ARHGAP26: variants seen among roughly 807,000 people sequenced by gnomAD.
ARHGAP26 encodes Rho GTPase activating protein 26.
In ARHGAP26, 38 loss-of-function variants were observed where a neutral mutation model predicts 104.8. The ratio of observed to expected loss-of-function variants is 0.36; its 90% CI spans 0.28 to 0.48. The LOEUF (loss-of-function observed/expected upper bound fraction) is 0.48, where lower values mean the gene tolerates loss of function less well. Ranked by LOEUF, ARHGAP26 falls within the 20% of genes least tolerant of loss-of-function variation. The probability of loss-of-function intolerance (pLI) is 0.99; values close to 1 mark genes in which losing one functional copy is unlikely to be tolerated. For synonymous variants in ARHGAP26, 341 were observed against 340.0 expected, an observed-to-expected ratio of 1.00 and a Z score of -0.03; for missense variants, 704 against 947.9, an observed-to-expected ratio of 0.74 and a Z score of 3.38.
At chr5:143,046,987 A>G (rs546855969) in intron 14 of ARHGAP26, among the ~76,000 whole-genome samples, 38 of 152,350 alleles carry the variant, frequency 2.5e-4, no homozygotes, top group Middle Eastern at 6.8e-3. Flanking sequence ...TACAAAATTG[A>G]ACTCACTGTG....
At chr5:142,928,594 G>A (rs920754060) in intron 10 of ARHGAP26, among the ~76,000 whole-genome samples, 1 of 152,168 alleles carries the variant, frequency 6.6e-6, no homozygotes, top group African/African-American at 2.4e-5. Context: ...CAAGAGTTAA[G>A]GGTTGGAATG....
At chr5:143,156,418 C>A (rs940280148) in intron 20 of ARHGAP26, among the ~76,000 whole-genome samples, 2 of 152,302 alleles carry the variant, frequency 1.3e-5, no homozygotes, top group South Asian at 4.1e-4. Context: ...ACCCTTAGCT[C>A]TGTGCACTGG....
At chr5:143,007,627 C>A (rs1050267180) in intron 11 of ARHGAP26, among the ~76,000 whole-genome samples, 1 of 152,168 alleles carries the variant, frequency 6.6e-6, no homozygotes, top group African/African-American at 2.4e-5. Flanking sequence ...TAAATCGAAT[C>A]CTGGCTCTGT....
rs185693074 is a variant in ARHGAP26 at position 143,094,325 on chromosome 5, G to A, written c.1539-26663G>A. ...GCCACAGTATGTGAGGATCCTTTAA[G>A]CTAGGTTGCTGGTCAGTTTCTTTTT... On this transcript the variant is annotated intron_variant, in intron 17 of 22. Transcript: ENST00000645722. Among the ~76,000 whole-genome samples, 3 of 152,326 alleles carry A rather than the reference G, an allele frequency of 2.0e-5. No individual in the cohort carries two copies. In the East Asian group the frequency reaches 5.8e-4, roughly 29 times the overall value.
intron 4 of ARHGAP26, among the ~76,000 whole-genome samples, chr5:142,882,197 G>A (rs1598064671): frequency 1.3e-5 from 2 of 152,180 alleles, no homozygotes; most frequent in East Asian, 3.8e-4. Flanking sequence ...TAGACTTGGG[G>A]AGGTTACTAA....
intron 17 of ARHGAP26, among the ~76,000 whole-genome samples, chr5:143,107,517 T>C (rs1186913314): frequency 6.6e-6 from 1 of 152,196 alleles, no homozygotes; most frequent in Non-Finnish European, 1.5e-5. Context: ...CCTTTTCTGT[T>C]GAGCCAGGCA....
Position 143,024,146 on chromosome 5 carries a change from G to A in ARHGAP26, c.1144+10030G>A, listed in dbSNP as rs528492989. 3.9e-5 allele frequency among the ~76,000 whole-genome samples: 6 copies of A among 152,334 alleles called. No individual in the cohort carries two copies. In the East Asian group the frequency reaches 1.2e-3, roughly 29 times the overall value. ...GGAGGGCAGGGGGCTGGAGAGAGAA[G>A]AAGGGGCAGGAACAGCTTGTTTTTG... is the stretch of plus-strand genomic sequence containing the variant. On this transcript the variant is annotated intron_variant, in intron 12 of 22. Coordinates refer to ENST00000645722, the MANE Select transcript of ARHGAP26 (RefSeq NM_001135608.3).
Position 142,906,612 on chromosome 5 carries a change from G to C in ARHGAP26, c.833-1092G>C, listed in dbSNP as rs185639419. Among the ~76,000 whole-genome samples the C allele has an allele frequency of 3.3e-5, 5 of 152,256 alleles. No homozygotes were observed. The East Asian group carries it at 9.6e-4, about 29-fold the overall frequency. On this transcript the variant is annotated intron_variant, in intron 8 of 22. Transcript: ENST00000645722. ...GTTCAGGAGGCTATAATTTATAACT[G>C]TCCTTATTTATCTTGATGCTCAAGT...
chr5:143,014,826 C>T (rs765683868), intron 12 of ARHGAP26, among the ~76,000 whole-genome samples: 5 of 152,110 alleles, frequency 3.3e-5, no homozygotes, highest in Non-Finnish European at 5.9e-5. Context: ...AAACAAAATC[C>T]TTCCAGGTTG....
rs556411316 is a variant in ARHGAP26, at chr5:143,070,793, C to T, written c.1538+13046C>T. On this transcript the variant is annotated intron_variant, in intron 17 of 22. Transcript: ENST00000645722. The stretch of plus-strand genomic sequence containing the variant: ...GGCATGGTGGTGTGCACCTGTAGTC[C>T]CAGCTACTCTTGGGAGGCTGAGGCA... Among the ~76,000 whole-genome samples, 14 of 152,076 alleles carry T rather than the reference C, an allele frequency of 9.2e-5. No homozygotes were observed. The South Asian group carries it at 2.9e-3, about 32-fold the overall frequency.
chr5:143,195,272 T>C (rs1183248004), intron 20 of ARHGAP26, among the ~76,000 whole-genome samples: 1 of 152,188 alleles, frequency 6.6e-6, no homozygotes, highest in Non-Finnish European at 1.5e-5. Flanking sequence ...CTGAACATAG[T>C]GAAATATTAT....
intron 1 of ARHGAP26, among the ~76,000 whole-genome samples, chr5:142,853,726 C>T (rs1330956383): frequency 1.3e-5 from 2 of 152,146 alleles, no homozygotes; most frequent in Admixed American, 6.5e-5. Context: ...TCAGAGTAGC[C>T]TTGACTCCAC....
At chr5:143,024,534 AG>A (rs943345630) in intron 12 of ARHGAP26, among the ~76,000 whole-genome samples, 4 of 152,168 alleles carry the variant, frequency 2.6e-5, no homozygotes, top group Admixed American at 2.0e-4. Context: ...GCCCAGTGCA[AG>A]GGGTTATTGA....
At chr5:143,082,685 C>A (rs528480596) in intron 17 of ARHGAP26, among the ~76,000 whole-genome samples, 1 of 152,134 alleles carries the variant, frequency 6.6e-6, no homozygotes, top group Non-Finnish European at 1.5e-5. Flanking sequence ...ATACTGTAGC[C>A]GCACATAAGC....
chr5:143,011,396 G>A, intron 11 of ARHGAP26, among the ~76,000 whole-genome samples: 1 of 140,158 alleles, frequency 7.1e-6, no homozygotes, highest in Non-Finnish European at 1.5e-5. Context: ...GTTTTCTTCA[G>A]TAATTGGAAA....
At chr5:142,931,631 T>C (rs1204327467) in intron 10 of ARHGAP26, among the ~76,000 whole-genome samples, 3 of 143,130 alleles carry the variant, frequency 2.1e-5, no homozygotes. Context: ...GGATATTTTC[T>C]CCTCTTTTTT....
intron 12 of ARHGAP26, among the ~76,000 whole-genome samples, chr5:143,027,553 AT>A (rs1268174619): frequency 6.6e-6 from 1 of 151,692 alleles, no homozygotes; most frequent in Non-Finnish European, 1.5e-5. Context: ...CAATTCATCC[AT>A]TTTTTACCTC....
At chr5:142,772,116 A>G (rs1184201529) in intron 1 of ARHGAP26, among the ~76,000 whole-genome samples, 1 of 152,252 alleles carries the variant, frequency 6.6e-6, no homozygotes, top group Non-Finnish European at 1.5e-5. Context: ...AATTGTTCCC[A>G]GGCCTCTTTA....
At chr5:142,992,547 C>T (rs1346012733) in intron 11 of ARHGAP26, among the ~76,000 whole-genome samples, 6 of 151,980 alleles carry the variant, frequency 3.9e-5, no homozygotes, top group Admixed American at 2.6e-4. Flanking sequence ...CCCGCCTCAG[C>T]CTCCCAAGTA....
Sources: gnomAD v4.1 joint callset for allele counts (sites outside exome capture counted in the v4.1 genomes callset) on GRCh38, gnomAD v4.1.1 for gene constraint, MANE v1.5 for transcripts, NCBI Gene and HGNC (gene_info 2026-07-23, HGNC 2026-07-21) for gene names.